Variants in ADAMTSL3 observed in about 807,000 individuals in gnomAD.
The protein encoded by ADAMTSL3 is ADAMTS-like protein 3.
In ADAMTSL3, 128 loss-of-function variants were observed where a neutral mutation model predicts 201.7. That is an observed-to-expected ratio of 0.63 (90% confidence interval 0.55 to 0.73). ADAMTSL3 has a LOEUF of 0.73. Among genes scored for constraint, ADAMTSL3 ranks in the 30% least tolerant of loss-of-function variants. ADAMTSL3 has a pLI of 0.00. For missense variants in ADAMTSL3, 1,990 were observed against 2,119.6 expected (o/e 0.94, Z 1.20); for synonymous variants, 738 against 748.4 (o/e 0.99, Z 0.23).
At chr15:83,702,060 A>C (rs992596599) in intron 2 of ADAMTSL3, among the ~76,000 whole-genome samples, 1 of 152,116 alleles carries the variant, frequency 6.6e-6, no homozygotes, top group African/African-American at 2.4e-5. Context: ...GAGATGAGGA[A>C]CTTCTTGGGA....
intron 2 of ADAMTSL3, among the ~76,000 whole-genome samples, chr15:83,688,769 CACACACACACACAT>C: frequency 6.6e-6 from 1 of 151,574 alleles, no homozygotes; most frequent in South Asian, 2.1e-4. Flanking sequence ...CACACACACA[CACACACACACACAT>C]ACACACACAC....
chr15:83,851,373 C>T (rs191845069), intron 7 of ADAMTSL3, among the ~76,000 whole-genome samples: 54 of 152,102 alleles, frequency 3.6e-4, no homozygotes, highest in African/African-American at 1.3e-3. Flanking sequence ...AAATCAACTG[C>T]AAGGGATTTG....
intron 2 of ADAMTSL3, among the ~76,000 whole-genome samples, chr15:83,690,628 C>A (rs146641376): frequency 6.6e-6 from 1 of 152,274 alleles, no homozygotes; most frequent in East Asian, 1.9e-4. Context: ...CTTGGATAGT[C>A]CTTGTCACAT....
intron 3 of ADAMTSL3, among the ~76,000 whole-genome samples, chr15:83,754,073 G>T (rs2062680288): frequency 6.6e-6 from 1 of 152,146 alleles, no homozygotes. Flanking sequence ...GACATTTTAG[G>T]TCAGATAATT....
At chr15:83,999,730 A>C (rs1477321310) in intron 23 of ADAMTSL3, among the ~76,000 whole-genome samples, 1 of 152,230 alleles carries the variant, frequency 6.6e-6, no homozygotes, top group Admixed American at 6.5e-5. Flanking sequence ...GAGGATGGTC[A>C]GTTTCAGAAG....
chr15:84,005,060 T>A (rs1311487811), intron 23 of ADAMTSL3, among the ~76,000 whole-genome samples: 2 of 151,780 alleles, frequency 1.3e-5, no homozygotes, highest in Admixed American at 1.3e-4. Flanking sequence ...CCCCCAGAAA[T>A]AGAGTGAGAG....
intron 5 of ADAMTSL3, among the ~76,000 whole-genome samples, chr15:83,807,504 GGT>G (rs1841113927): frequency 1.3e-5 from 2 of 152,128 alleles, no homozygotes; most frequent in East Asian, 1.9e-4. Context: ...TGCAAAAAGA[GGT>G]GTTCATGGAT....
At chr15:83,743,347 A>T (rs945731427) in intron 3 of ADAMTSL3, among the ~76,000 whole-genome samples, 3 of 151,900 alleles carry the variant, frequency 2.0e-5, no homozygotes, top group Admixed American at 6.6e-5. Context: ...CCCCGTCTCT[A>T]CTAAAAATAC....
intron 6 of ADAMTSL3, among the ~76,000 whole-genome samples, chr15:83,837,851 A>AG (rs1229376483): frequency 6.6e-6 from 1 of 151,290 alleles, no homozygotes; most frequent in Non-Finnish European, 1.5e-5. Flanking sequence ...TAGAAAAGGG[A>AG]GGGGTATGGA....
At chr15:84,001,286 C>T (rs2067788258) in intron 23 of ADAMTSL3, among the ~76,000 whole-genome samples, 3 of 152,112 alleles carry the variant, frequency 2.0e-5, no homozygotes, top group Admixed American at 2.0e-4. Flanking sequence ...GGAGGGCAGC[C>T]ATATTGCAAA....
intron 2 of ADAMTSL3, among the ~76,000 whole-genome samples, chr15:83,678,249 C>G (rs2141414802): frequency 6.6e-6 from 1 of 152,122 alleles, no homozygotes; most frequent in African/African-American, 2.4e-5. Flanking sequence ...TTTCTTCCTT[C>G]CAAGAGTTTT....
At chr15:83,879,212 G>T (rs1452023768) in intron 9 of ADAMTSL3, among the ~76,000 whole-genome samples, 1 of 152,008 alleles carries the variant, frequency 6.6e-6, no homozygotes, top group East Asian at 1.9e-4. Flanking sequence ...CAACTTTTGG[G>T]TTCATGACTG....
chr15:83,756,781 A>G (rs2062728175), intron 3 of ADAMTSL3, among the ~76,000 whole-genome samples: 1 of 152,234 alleles, frequency 6.6e-6, no homozygotes, highest in Non-Finnish European at 1.5e-5. Flanking sequence ...GTTACTCTCA[A>G]GATACAATGG....
chr15:83,721,994 G>A (rs2062107981), intron 3 of ADAMTSL3, among the ~76,000 whole-genome samples: 1 of 152,128 alleles, frequency 6.6e-6, no homozygotes, highest in African/African-American at 2.4e-5. Context: ...GCCTCTCAAA[G>A]TGCTGGGATT....
At chr15:83,971,686 G>A (rs1435123903) in intron 20 of ADAMTSL3, among the ~76,000 whole-genome samples, 1 of 151,354 alleles carries the variant, frequency 6.6e-6, no homozygotes, top group East Asian at 1.9e-4. Context: ...GAGGAGGTTG[G>A]GAAGGGAGGT....
chr15:83,863,162 A>G (rs1484617375), intron 8 of ADAMTSL3, among the ~76,000 whole-genome samples: 3 of 152,190 alleles, frequency 2.0e-5, no homozygotes, highest in Non-Finnish European at 4.4e-5. Flanking sequence ...CTCCCATACA[A>G]TAATAATGGG....
intron 2 of ADAMTSL3, among the ~76,000 whole-genome samples, chr15:83,693,929 C>A (rs73452682): frequency 6.6e-6 from 1 of 152,104 alleles, no homozygotes; most frequent in Non-Finnish European, 1.5e-5. Context: ...ATTCTCCCCC[C>A]GCAACCATTT....
At chr15:83,926,951 C>T (rs984410704) in intron 17 of ADAMTSL3, among the ~76,000 whole-genome samples, 2 of 151,802 alleles carry the variant, frequency 1.3e-5, no homozygotes, top group African/African-American at 4.8e-5. Context: ...AGTTGAATCC[C>T]TTTCTATATT....
At position 84,036,848 on chromosome 15, in the gene ADAMTSL3, A is replaced by G. The variant is rs2068517733; in HGVS notation, c.4830A>G (p.Thr1610=). The change falls in exon 29 of 30, where the codon ACA becomes ACG. Residue 1610 remains threonine, a synonymous_variant. Coordinates refer to ENST00000286744, the MANE Select transcript of ADAMTSL3 (RefSeq NM_207517.3). The stretch of plus-strand genomic sequence containing the variant: ...ACACAGGCCCTTGGAAGCCCTGTAC[A>G]GCAGCCTGTGGCAGGGGTTTCCAGT... ...CWHTGPWKPC[T]AACGRGFQSR... 6.2e-7 allele frequency: 1 copy of G among 1,614,070 alleles called. No homozygotes were observed. Among genetic ancestry groups the G allele is most frequent in the Non-Finnish European group, 8.5e-7 (1 of 1,179,998 alleles).
Sources: gnomAD v4.1 joint callset for allele counts (sites outside exome capture counted in the v4.1 genomes callset) on GRCh38, gnomAD v4.1.1 for gene constraint, MANE v1.5 for transcripts, NCBI Gene and HGNC (gene_info 2026-07-23, HGNC 2026-07-21) for gene names.